The following NDST3 variants were observed in gnomAD, a reference collection of about 807,000 sequenced individuals.
The protein encoded by NDST3 is N-deacetylase and N-sulfotransferase 3.
A neutral mutation model predicts 96.1 loss-of-function variants in NDST3; 58 were observed. The ratio of observed to expected loss-of-function variants is 0.60; its 90% CI spans 0.49 to 0.75. NDST3 has a LOEUF of 0.75. NDST3 is among the 30% of genes least tolerant of loss of function. The pLI is 0.00. For synonymous variants in NDST3, 333 were observed against 359.7 expected (o/e 0.93, Z 0.84); for missense variants, 788 against 1,034.2 (o/e 0.76, Z 3.27).
intron 2 of NDST3, among the ~76,000 whole-genome samples, chr4:118,076,228 G>GC (rs1553928397): frequency 6.6e-6 from 1 of 152,042 alleles, no homozygotes; most frequent in African/African-American, 2.4e-5. Context: ...TGCCTTTAAT[G>GC]TTTTTTCTTT....
intron 3 of NDST3, among the ~76,000 whole-genome samples, chr4:118,107,266 AT>A: frequency 6.6e-6 from 1 of 152,200 alleles, no homozygotes. Context: ...ATCACTCTAA[AT>A]ATTGAGAATA....
chr4:118,226,354 T>C (rs554821314), intron 7 of NDST3, among the ~76,000 whole-genome samples: 1 of 152,318 alleles, frequency 6.6e-6, no homozygotes, highest in East Asian at 1.9e-4. Context: ...TCATAGTCTA[T>C]AAAGTTACAT....
At chr4:118,245,184 G>T (rs1044318605) in intron 12 of NDST3, among the ~76,000 whole-genome samples, 28 of 152,206 alleles carry the variant, frequency 1.8e-4, no homozygotes, top group Non-Finnish European at 2.9e-4. Context: ...TTTTAGTTTT[G>T]CCATGAATAC....
rs751980811 is a variant in NDST3 at position 118,143,678 on chromosome 4, C to T, written c.1533C>T (p.Leu511=). 1.3e-6 allele frequency: 2 copies of T among 1,594,088 alleles called. No individual in the cohort carries two copies. The highest frequency in any genetic ancestry group is 2.3e-5 in the South Asian group (2 of 85,920). Residue 511 remains leucine, a synonymous_variant, in exon 6 of 14, where the codon CTC becomes CTT. Transcript: ENST00000296499. ...GAGAACTTTTCTTCACTGTCGTCCTCAACCCTGTAAGTACTTTATTCTCCA... is the reference window on the plus strand; with the variant it reads ...GAGAACTTTTCTTCACTGTCGTCCTTAACCCTGTAAGTACTTTATTCTCCA... ...QGGELFFTVV[L]NPISIFMTHL...
At chr4:118,226,534 G>A (rs1474294770) in intron 7 of NDST3, among the ~76,000 whole-genome samples, 1 of 152,038 alleles carries the variant, frequency 6.6e-6, no homozygotes, top group African/African-American at 2.4e-5. Flanking sequence ...ATTGAATACT[G>A]AGTGTATCAT....
chr4:118,239,599 T>C (rs1253080016), intron 10 of NDST3, among the ~76,000 whole-genome samples: 1 of 152,228 alleles, frequency 6.6e-6, no homozygotes, highest in African/African-American at 2.4e-5. Flanking sequence ...AATTGGAGCT[T>C]GGCAACCACT....
At chr4:118,213,870 CTTCAA>C (rs1035294890) in intron 6 of NDST3, among the ~76,000 whole-genome samples, 36 of 151,994 alleles carry the variant, frequency 2.4e-4, no homozygotes, top group African/African-American at 7.5e-4. Context: ...ATGATATAGA[CTTCAA>C]TTCAACAAAT....
chr4:118,221,585 G>A (rs1395381714), intron 6 of NDST3, among the ~76,000 whole-genome samples: 3 of 151,970 alleles, frequency 2.0e-5, no homozygotes, highest in African/African-American at 7.2e-5. Context: ...CAGGGTTGAT[G>A]CTAGAAAGTA....
chr4:118,218,791 C>A (rs1203617577), intron 6 of NDST3, among the ~76,000 whole-genome samples: 1 of 152,050 alleles, frequency 6.6e-6, no homozygotes, highest in East Asian at 1.9e-4. Context: ...ACTTAGAAAA[C>A]CCCATCGTCT....
intron 2 of NDST3, among the ~76,000 whole-genome samples, chr4:118,065,234 C>T (rs370272436): frequency 3.9e-5 from 6 of 152,172 alleles, no homozygotes; most frequent in Admixed American, 6.6e-5. Context: ...ACTCAACTCC[C>T]GCAAGAAACT....
At chr4:118,106,727 G>A (rs1418699539) in intron 3 of NDST3, among the ~76,000 whole-genome samples, 1 of 151,956 alleles carries the variant, frequency 6.6e-6, no homozygotes, top group African/African-American at 2.4e-5. Flanking sequence ...GGAGGTCTAG[G>A]CTGCAGTAAA....
intron 2 of NDST3, among the ~76,000 whole-genome samples, chr4:118,093,779 G>A (rs1729073889): frequency 6.6e-6 from 1 of 151,756 alleles, no homozygotes; most frequent in African/African-American, 2.4e-5. Context: ...ATTTGCCTTA[G>A]TTCATTTGTA....
chr4:118,045,560 C>T (rs762059278), intron 1 of NDST3, among the ~76,000 whole-genome samples: 23 of 152,052 alleles, frequency 1.5e-4, no homozygotes, highest in Non-Finnish European at 2.9e-4. Context: ...CACATTTATC[C>T]TGTAAATAGA....
chr4:118,210,006 A>G (rs2125985543), intron 6 of NDST3, among the ~76,000 whole-genome samples: 1 of 152,316 alleles, frequency 6.6e-6, no homozygotes, highest in South Asian at 2.1e-4. Context: ...AACATGAAAG[A>G]TAATAGACAC....
rs752353564 is a variant in NDST3, at chr4:118,143,541, T to C, written c.1411-15T>C. Reference sequence around the variant, plus strand: ...AAAAAAAAGCTTTTCCTTACTTTTTTCATTTTTCCTTCAGGTTCTCCCAAG... The same window carrying C: ...AAAAAAAAGCTTTTCCTTACTTTTTCCATTTTTCCTTCAGGTTCTCCCAAG... On this transcript the variant is annotated splice_polypyrimidine_tract_variant and intron_variant, in intron 5 of 13. Transcript: ENST00000296499. 61 of 1,588,616 alleles carry C rather than the reference T, an allele frequency of 3.8e-5. No individual in the cohort carries two copies. Among genetic ancestry groups the C allele is most frequent in the Non-Finnish European group, 4.9e-5 (58 of 1,173,540 alleles).
At chr4:118,123,217 G>GTATT (rs576145084) in intron 4 of NDST3, among the ~76,000 whole-genome samples, 263 of 152,282 alleles carry the variant, frequency 1.7e-3, no homozygotes, top group African/African-American at 6.2e-3. Context: ...ATACCAGAGA[G>GTATT]TATACGGTGG....
At chr4:118,126,381 T>C (rs1370510001) in intron 4 of NDST3, among the ~76,000 whole-genome samples, 1 of 151,930 alleles carries the variant, frequency 6.6e-6, no homozygotes, top group African/African-American at 2.4e-5. Flanking sequence ...TGTTTGTCTT[T>C]CTGTGTCTTG....
At chr4:118,085,438 T>C (rs796466742) in intron 2 of NDST3, among the ~76,000 whole-genome samples, 4 of 152,358 alleles carry the variant, frequency 2.6e-5, no homozygotes, top group African/African-American at 9.6e-5. Context: ...GAAATTGTTC[T>C]GGTTTGTAAT....
intron 4 of NDST3, among the ~76,000 whole-genome samples, chr4:118,124,083 G>C (rs1262754732): frequency 6.6e-6 from 1 of 152,052 alleles, no homozygotes; most frequent in Non-Finnish European, 1.5e-5. Flanking sequence ...AGGGGTTTTT[G>C]CTTATGTTAT....
Sources: gnomAD v4.1 joint callset for allele counts (sites outside exome capture counted in the v4.1 genomes callset) on GRCh38, gnomAD v4.1.1 for gene constraint, MANE v1.5 for transcripts, NCBI Gene and HGNC (gene_info 2026-07-23, HGNC 2026-07-21) for gene names.